PCSK5: variants seen among roughly 807,000 people sequenced by gnomAD.
PCSK5 encodes prohormone convertase 5.
PCSK5 carries 129 observed loss-of-function variants against 233.2 expected under a neutral mutation model. The ratio of observed to expected loss-of-function variants is 0.55; its 90% CI spans 0.48 to 0.64. The LOEUF (loss-of-function observed/expected upper bound fraction) is 0.64. PCSK5 is among the 30% of genes least tolerant of loss of function. The probability of loss-of-function intolerance (pLI) is 0.00; values close to 1 mark genes in which losing one functional copy is unlikely to be tolerated. For synonymous variants in PCSK5, 825 were observed against 879.2 expected (o/e 0.94, Z 1.09); for missense variants, 2,076 against 2,430.1 (o/e 0.85, Z 3.06).
chr9:76,315,227 T>C (rs996079774), intron 30 of PCSK5, among the ~76,000 whole-genome samples: 2 of 152,258 alleles, frequency 1.3e-5, no homozygotes, highest in African/African-American at 2.4e-5. Context: ...GTGCTGGGAT[T>C]ACAGGCATGA....
chr9:76,329,407 G>A (rs772158314), intron 33 of PCSK5, among the ~76,000 whole-genome samples: 1 of 150,318 alleles, frequency 6.7e-6, no homozygotes, highest in African/African-American at 2.4e-5. Flanking sequence ...CTATTCTCCT[G>A]CCTCAGTCTC....
At chr9:76,344,722 G>T (rs1829929454) in intron 35 of PCSK5, among the ~76,000 whole-genome samples, 1 of 152,110 alleles carries the variant, frequency 6.6e-6, no homozygotes, top group Admixed American at 6.5e-5. Context: ...TCCAACTAGG[G>T]TTGTCTGATA....
chr9:76,273,773 C>A (rs1827605543), intron 24 of PCSK5, among the ~76,000 whole-genome samples: 1 of 150,756 alleles, frequency 6.6e-6, no homozygotes, highest in Non-Finnish European at 1.5e-5. Flanking sequence ...GCTGGGATTA[C>A]AGGTGCATGC....
chr9:76,308,786 G>A (rs1458865205), intron 29 of PCSK5, 58 bp downstream of exon 29: 1 of 1,057,180 alleles, frequency 9.5e-7, no homozygotes, highest in East Asian at 2.4e-5. Context: ...TGAAACTCAT[G>A]TGTAGTGGCA....
intron 1 of PCSK5, among the ~76,000 whole-genome samples, chr9:75,903,590 A>ATATATTATAT (rs1564071257): frequency 4.1e-5 from 5 of 122,744 alleles, no homozygotes; most frequent in African/African-American, 1.5e-4. Flanking sequence ...ATATATATAA[A>ATATATTATAT]ATATATATTA....
chr9:76,068,083 G>A (rs1313958388), intron 6 of PCSK5, 40 bp downstream of exon 6: 1 of 1,424,810 alleles, frequency 7.0e-7, no homozygotes, highest in Admixed American at 1.7e-5. Flanking sequence ...AAATGCGCCA[G>A]TTAGCTCTTT....
chr9:76,036,590 T>C (rs1007829936), intron 5 of PCSK5, among the ~76,000 whole-genome samples: 1 of 152,206 alleles, frequency 6.6e-6, no homozygotes, highest in Admixed American at 6.5e-5. Flanking sequence ...CCTACAAATG[T>C]CTGGGGTTGC....
chr9:76,095,130 C>T (rs566683417), intron 7 of PCSK5, among the ~76,000 whole-genome samples: 14 of 152,214 alleles, frequency 9.2e-5, no homozygotes, highest in Admixed American at 1.3e-4. Context: ...TTGTTTAATT[C>T]GGGGATTCCC....
At chr9:75,949,520 T>C (rs149326879) in intron 2 of PCSK5, among the ~76,000 whole-genome samples, 1 of 152,026 alleles carries the variant, frequency 6.6e-6, no homozygotes, top group African/African-American at 2.4e-5. Context: ...TATTTATTTA[T>C]TAAATTTATT....
At chr9:76,068,111 A>G in intron 6 of PCSK5, 68 bp downstream of exon 6, 1 of 1,091,942 alleles carries the variant, frequency 9.2e-7, no homozygotes, top group Non-Finnish European at 1.4e-6. Context: ...TGGCTTTCAG[A>G]ATCCTTTTTA....
chr9:75,965,835 A>C (rs1825560473), intron 2 of PCSK5, among the ~76,000 whole-genome samples: 1 of 152,182 alleles, frequency 6.6e-6, no homozygotes, highest in Non-Finnish European at 1.5e-5. Context: ...TTTTTCAGTC[A>C]CTGATTCCAA....
intron 3 of PCSK5, among the ~76,000 whole-genome samples, chr9:76,007,602 G>A (rs1455246961): frequency 2.6e-5 from 4 of 151,988 alleles, no homozygotes; most frequent in Admixed American, 1.3e-4. Flanking sequence ...GTGATTCTCC[G>A]TTGCTTTAAT....
At chr9:76,263,160 A>T (rs1356106752) in intron 24 of PCSK5, among the ~76,000 whole-genome samples, 2 of 152,048 alleles carry the variant, frequency 1.3e-5, no homozygotes, top group East Asian at 3.9e-4. Flanking sequence ...AGAAATAGGA[A>T]CACTTTTACA....
chr9:75,902,214 TAAAAAAAAAAAAAAAA>T (rs200579439), intron 1 of PCSK5, among the ~76,000 whole-genome samples: 4 of 53,300 alleles, frequency 7.5e-5, no homozygotes, highest in African/African-American at 2.4e-4. Context: ...AGACACCATC[TAAAAAAAAAAAAAAAA>T]AAAAAAAAAA....
At chr9:76,165,887 GAAT>G (rs2131833982) in intron 12 of PCSK5, among the ~76,000 whole-genome samples, 1 of 152,198 alleles carries the variant, frequency 6.6e-6, no homozygotes, top group East Asian at 1.9e-4. Context: ...CCCACAATTG[GAAT>G]CTCCGTAGCA....
intron 8 of PCSK5, among the ~76,000 whole-genome samples, chr9:76,103,645 T>C (rs1241837547): frequency 6.6e-6 from 1 of 152,174 alleles, no homozygotes; most frequent in Non-Finnish European, 1.5e-5. Flanking sequence ...CATCAAAGGA[T>C]GATGACATCC....
chr9:75,989,430 G>A (rs1563958226), intron 3 of PCSK5, among the ~76,000 whole-genome samples: 1 of 151,950 alleles, frequency 6.6e-6, no homozygotes, highest in Non-Finnish European at 1.5e-5. Context: ...GGAGGCAGAG[G>A]TTGCAGTGAG....
intron 20 of PCSK5, among the ~76,000 whole-genome samples, chr9:76,222,479 C>T (rs1241582694): frequency 3.9e-5 from 6 of 152,174 alleles, no homozygotes; most frequent in African/African-American, 1.4e-4. Flanking sequence ...TCCACTGAAA[C>T]TCTGTACCCA....
intron 30 of PCSK5, among the ~76,000 whole-genome samples, chr9:76,314,585 A>C (rs1008566849): frequency 6.6e-6 from 1 of 152,180 alleles, no homozygotes; most frequent in Non-Finnish European, 1.5e-5. Flanking sequence ...TTTATAAGTT[A>C]GCATTTAGTG....
Sources: allele counts gnomAD v4.1 joint callset (sites outside exome capture counted in the v4.1 genomes callset), GRCh38; gene constraint gnomAD v4.1.1; transcripts MANE v1.5; gene names NCBI Gene and HGNC (gene_info 2026-07-23, HGNC 2026-07-21).